TPRG1: variants seen among roughly 807,000 people sequenced by gnomAD.
TPRG1 encodes tumor protein p63-regulated gene 1 protein.
A neutral mutation model predicts 29.3 loss-of-function variants in TPRG1; 29 were observed. That is an observed-to-expected ratio of 0.99 (90% confidence interval 0.74 to 1.35). The LOEUF is 1.35. TPRG1 is among the 40% of genes most tolerant of loss of function. The probability of loss-of-function intolerance (pLI) is 0.00; values close to 1 mark genes in which losing one functional copy is unlikely to be tolerated. For synonymous variants in TPRG1, 130 were observed against 116.8 expected (o/e 1.11, Z -0.73); for missense variants, 327 against 335.0 (o/e 0.98, Z 0.19).
chr3:189,133,083 G>A (rs1334892065), intron 3 of TPRG1, among the ~76,000 whole-genome samples: 1 of 152,212 alleles, frequency 6.6e-6, no homozygotes. Context: ...TACCAGAGGA[G>A]AGACTAGTGT....
intron 4 of TPRG1, among the ~76,000 whole-genome samples, chr3:189,241,112 G>T (rs148803913): frequency 6.5e-4 from 99 of 152,240 alleles, no homozygotes; most frequent in African/African-American, 2.4e-3. Context: ...TGTATTAATG[G>T]ATTTCTAGAA....
chr3:189,042,309 AG>A (rs2152135140), intron 4 of TPRG1, among the ~76,000 whole-genome samples: 1 of 152,196 alleles, frequency 6.6e-6, no homozygotes, highest in Admixed American at 6.5e-5. Flanking sequence ...TTATTTTTCT[AG>A]TATCTTACCT....
intron 4 of TPRG1, among the ~76,000 whole-genome samples, chr3:189,286,142 C>A (rs141193609): frequency 6.6e-6 from 1 of 152,146 alleles, no homozygotes; most frequent in African/African-American, 2.4e-5. Flanking sequence ...CTTAAATTTG[C>A]TGTCCTCTCT....
intron 4 of TPRG1, among the ~76,000 whole-genome samples, chr3:189,062,993 C>A (rs1716213604): frequency 6.6e-6 from 1 of 151,846 alleles, no homozygotes; most frequent in African/African-American, 2.4e-5. Flanking sequence ...ACAAAAAAGA[C>A]CCAATGATAT....
At chr3:189,286,682 A>T (rs901365117) in intron 4 of TPRG1, among the ~76,000 whole-genome samples, 3 of 152,142 alleles carry the variant, frequency 2.0e-5, no homozygotes, top group African/African-American at 7.2e-5. Flanking sequence ...AGCCACATGC[A>T]TATGGAAACA....
intron 1 of TPRG1, among the ~76,000 whole-genome samples, chr3:189,105,617 C>A (rs919239326): frequency 7.2e-5 from 11 of 152,046 alleles, no homozygotes; most frequent in Non-Finnish European, 1.3e-4. Flanking sequence ...TCCCCAACAA[C>A]CTTGGGAACT....
chr3:189,301,805 A>C (rs1401364805), intron 4 of TPRG1, among the ~76,000 whole-genome samples: 1 of 152,144 alleles, frequency 6.6e-6, no homozygotes, highest in East Asian at 1.9e-4. Context: ...GCAATTAGAG[A>C]CAAATTTTTT....
Position 189,189,705 on chromosome 3 carries a change from C to T in TPRG1, c.-10+17574C>T, listed in dbSNP as rs149145823. Among the ~76,000 whole-genome samples the T allele has an allele frequency of 2.6e-3, 392 of 152,324 alleles. 1 individual carries two copies. Among genetic ancestry groups the T allele is most frequent in the African/African-American group, 8.7e-3 (362 of 41,574 alleles). ...GGAACGTTCTTCAAGATACCTATCC[C>T]GGACGGGGTGTTGAACTAGCACATG... On this transcript the variant is annotated intron_variant, in intron 1 of 5. Coordinates refer to ENST00000345063, the MANE Select transcript of TPRG1 (RefSeq NM_198485.4).
At chr3:189,198,618 G>GCT (rs1732950490) in intron 1 of TPRG1, among the ~76,000 whole-genome samples, 2 of 152,288 alleles carry the variant, frequency 1.3e-5, no homozygotes, top group Admixed American at 1.3e-4. Flanking sequence ...GAACAGGCAG[G>GCT]GTATCCATTC....
intron 5 of TPRG1, among the ~76,000 whole-genome samples, chr3:189,151,595 A>C (rs577463167): frequency 3.4e-4 from 52 of 152,142 alleles, no homozygotes; most frequent in African/African-American, 1.2e-3. Flanking sequence ...AGAAAGAGAA[A>C]CCTGGCCAGG....
chr3:189,153,770 A>G (rs1484770537), intron 5 of TPRG1, among the ~76,000 whole-genome samples: 2 of 152,198 alleles, frequency 1.3e-5, no homozygotes, highest in African/African-American at 2.4e-5. Context: ...TGGCTCGTAT[A>G]GGCAAAAAGC....
At chr3:189,198,671 G>T (rs1732961942) in intron 1 of TPRG1, among the ~76,000 whole-genome samples, 1 of 152,144 alleles carries the variant, frequency 6.6e-6, no homozygotes, top group African/African-American at 2.4e-5. Flanking sequence ...TCTATATCAT[G>T]CCCATACTAA....
At chr3:189,238,574 A>G (rs777630453) in intron 3 of TPRG1, 159 bp from the exon 4 acceptor site, 16 of 502,670 alleles carry the variant, frequency 3.2e-5, no homozygotes, top group Non-Finnish European at 4.8e-5. Context: ...ATGGGACCAG[A>G]CTGAGTGGGG....
chr3:189,106,009 TAACA>T (rs889024120), intron 1 of TPRG1, among the ~76,000 whole-genome samples: 1 of 152,078 alleles, frequency 6.6e-6, no homozygotes, highest in Non-Finnish European at 1.5e-5. Flanking sequence ...TTTACCTATG[TAACA>T]AACCTGCACA....
chr3:189,088,103 A>T (rs1163808868), intron 4 of TPRG1, among the ~76,000 whole-genome samples: 2 of 152,126 alleles, frequency 1.3e-5, no homozygotes. Flanking sequence ...CAGTATGGCC[A>T]TTTTCATGAT....
intron 4 of TPRG1, among the ~76,000 whole-genome samples, chr3:189,269,597 TC>T (rs1233579221): frequency 1.3e-5 from 2 of 152,094 alleles, no homozygotes; most frequent in East Asian, 3.9e-4. Context: ...TTCTTCTGAT[TC>T]ATTGCAGAAA....
At chr3:189,159,521 C>T (rs765254805) in intron 5 of TPRG1, among the ~76,000 whole-genome samples, 11 of 152,112 alleles carry the variant, frequency 7.2e-5, no homozygotes, top group Middle Eastern at 3.2e-3. Flanking sequence ...CTTATGATCT[C>T]GTACAACTCC....
At chr3:189,099,336 C>T (rs1337711876), upstream of TPRG1, among the ~76,000 whole-genome samples, 1 of 152,082 alleles carries the variant, frequency 6.6e-6, no homozygotes, top group Non-Finnish European at 1.5e-5. Flanking sequence ...GGCAGGGTTG[C>T]TCTTGCGCTG....
chr3:189,232,816 G>T (rs1345660487), intron 3 of TPRG1, among the ~76,000 whole-genome samples: 3 of 152,150 alleles, frequency 2.0e-5, no homozygotes, highest in African/African-American at 7.2e-5. Flanking sequence ...ATGACTGAAA[G>T]AAAAATATGT....
Sources: gnomAD v4.1 joint callset for allele counts (sites outside exome capture counted in the v4.1 genomes callset) on GRCh38, gnomAD v4.1.1 for gene constraint, MANE v1.5 for transcripts, NCBI Gene and HGNC (gene_info 2026-07-23, HGNC 2026-07-21) for gene names.